The following KHDRBS2 variants were observed in gnomAD, a reference collection of about 807,000 sequenced individuals.
KHDRBS2 encodes KH RNA binding domain containing, signal transduction associated 2.
Under a neutral mutation model 44.3 loss-of-function variants are expected in KHDRBS2, and 26 were observed. The observed-to-expected ratio is 0.59, with a 90% CI of 0.43 to 0.81. The LOEUF is 0.81. KHDRBS2 is among the 40% of genes least tolerant of loss of function. KHDRBS2 has a pLI of 0.00. For missense variants in KHDRBS2, 476 were observed against 433.1 expected (o/e 1.10, Z -0.88); for synonymous variants, 194 against 151.1 (o/e 1.28, Z -2.08).
At chr6:62,021,493 T>C (rs915567901) in intron 3 of KHDRBS2, among the ~76,000 whole-genome samples, 1 of 151,900 alleles carries the variant, frequency 6.6e-6, no homozygotes, top group African/African-American at 2.4e-5. Context: ...ATTCTGACAG[T>C]CCTCTTTTTA....
the KHDRBS2 span, among the ~76,000 whole-genome samples, chr6:61,671,867 C>T: frequency 0.65 from 98,021 of 151,368 alleles, 32,067 homozygotes; most frequent in African/African-American, 0.69. Context: ...ATTATTATAC[C>T]TTAAGTTTTA....
intron 7 of KHDRBS2, among the ~76,000 whole-genome samples, chr6:61,717,795 A>T (rs1344810355): frequency 6.6e-6 from 1 of 152,056 alleles, no homozygotes; most frequent in Non-Finnish European, 1.5e-5. Context: ...GCTCAGAAGT[A>T]TCTTTTGGTC....
rs141767237 is a variant in KHDRBS2, at chr6:62,271,019, C to T, written c.91+14839G>A. Among the ~76,000 whole-genome samples the T allele has an allele frequency of 5.7e-3, 862 of 152,196 alleles. 4 individuals are homozygous for T. Among genetic ancestry groups the T allele is most frequent in the Non-Finnish European group, 9.3e-3 (632 of 68,002 alleles). ...TTACCATATTCCACAGTAAGAAATG[C>T]ATTTTATATAATGACCTGGTAAATC... On this transcript the variant is annotated intron_variant, in intron 1 of 8. Coordinates refer to ENST00000281156, the MANE Select transcript of KHDRBS2 (RefSeq NM_152688.4).
At chr6:62,240,238 C>T (rs1308424840) in intron 1 of KHDRBS2, among the ~76,000 whole-genome samples, 1 of 152,116 alleles carries the variant, frequency 6.6e-6, no homozygotes, top group Admixed American at 6.6e-5. Flanking sequence ...GGAGTTCTCT[C>T]AGTAGGCTCC....
intron 1 of KHDRBS2, among the ~76,000 whole-genome samples, chr6:62,239,967 G>A (rs1477503862): frequency 6.6e-6 from 1 of 152,064 alleles, no homozygotes; most frequent in African/African-American, 2.4e-5. Flanking sequence ...TTACAGGCAT[G>A]AGCCACAGTA....
At chr6:61,551,999 T>C in the KHDRBS2 span, among the ~76,000 whole-genome samples, 3 of 152,080 alleles carry the variant, frequency 2.0e-5, no homozygotes, top group African/African-American at 4.8e-5. Flanking sequence ...TTTTTGTACA[T>C]GGATTTTGTA....
the KHDRBS2 span, among the ~76,000 whole-genome samples, chr6:61,596,896 T>C: frequency 1.2e-4 from 19 of 152,200 alleles, no homozygotes; most frequent in Middle Eastern, 6.8e-3. Flanking sequence ...GTGATCCACC[T>C]GCCTCAACCT....
chr6:61,701,780 G>A (rs1768724113), intron 7 of KHDRBS2, among the ~76,000 whole-genome samples: 1 of 151,960 alleles, frequency 6.6e-6, no homozygotes, highest in Non-Finnish European at 1.5e-5. Flanking sequence ...TGCCCACTGA[G>A]TCTTATGTGT....
chr6:61,766,057 A>T (rs1779965607), intron 6 of KHDRBS2, among the ~76,000 whole-genome samples: 1 of 151,758 alleles, frequency 6.6e-6, no homozygotes, highest in African/African-American at 2.4e-5. Flanking sequence ...GATTGGTGTT[A>T]GTTCTTCTTT....
chr6:61,570,041 C>T, the KHDRBS2 span, among the ~76,000 whole-genome samples: 1 of 152,072 alleles, frequency 6.6e-6, no homozygotes, highest in African/African-American at 2.4e-5. Context: ...CAACAGATCA[C>T]ACTAGATCTT....
intron 6 of KHDRBS2, among the ~76,000 whole-genome samples, chr6:61,887,873 T>A (rs992700675): frequency 6.6e-6 from 1 of 152,176 alleles, no homozygotes; most frequent in Non-Finnish European, 1.5e-5. Flanking sequence ...TAGCAGCTCT[T>A]GAGTGCTAAT....
At chr6:61,892,326 C>A (rs1389257304) in intron 6 of KHDRBS2, among the ~76,000 whole-genome samples, 1 of 152,142 alleles carries the variant, frequency 6.6e-6, no homozygotes, top group African/African-American at 2.4e-5. Flanking sequence ...GCCATACTGT[C>A]CAAGGTAATT....
chr6:62,201,079 C>T (rs1826876953), intron 1 of KHDRBS2, among the ~76,000 whole-genome samples: 1 of 151,976 alleles, frequency 6.6e-6, no homozygotes, highest in African/African-American at 2.4e-5. Flanking sequence ...ACACTGGGGC[C>T]TGTTTGGGGT....
In KHDRBS2 at chr6:62,046,631, G is replaced by A. The variant is rs567334355; in HGVS notation, c.336+1247C>T. Among the ~76,000 whole-genome samples, 7 of 152,050 alleles carry A rather than the reference G, an allele frequency of 4.6e-5. No individual in the cohort carries two copies. In the East Asian group the frequency reaches 1.2e-3, roughly 25 times the overall value. ...AAAGTACAGACATAGGTAATTATGT[G>A]TCATTTTCTCCTCTTATATAAAGAA... On this transcript the variant is annotated intron_variant, in intron 3 of 8. Coordinates refer to ENST00000281156, the MANE Select transcript of KHDRBS2 (RefSeq NM_152688.4).
intron 6 of KHDRBS2, among the ~76,000 whole-genome samples, chr6:61,851,788 A>T (rs1262730589): frequency 6.6e-6 from 1 of 152,338 alleles, no homozygotes; most frequent in African/African-American, 2.4e-5. Context: ...AAGATATTCA[A>T]TATGTTTTAC....
At chr6:62,132,841 A>G (rs1404621250) in intron 2 of KHDRBS2, among the ~76,000 whole-genome samples, 1 of 152,214 alleles carries the variant, frequency 6.6e-6, no homozygotes, top group Non-Finnish European at 1.5e-5. Flanking sequence ...AAGCCCAGAA[A>G]TCATATATCA....
At chr6:62,140,131 A>G (rs1309248218) in intron 2 of KHDRBS2, among the ~76,000 whole-genome samples, 9 of 152,178 alleles carry the variant, frequency 5.9e-5, no homozygotes, top group Non-Finnish European at 1.2e-4. Flanking sequence ...CTCCTAGACT[A>G]CTGTAGTTTC....
intron 2 of KHDRBS2, among the ~76,000 whole-genome samples, chr6:62,114,402 G>A (rs539447340): frequency 6.6e-6 from 1 of 152,222 alleles, no homozygotes; most frequent in African/African-American, 2.4e-5. Flanking sequence ...CTTCTGAAAT[G>A]TAAGAGTTTT....
intron 6 of KHDRBS2, among the ~76,000 whole-genome samples, chr6:61,833,896 C>T (rs1399424504): frequency 6.6e-6 from 1 of 152,044 alleles, no homozygotes; most frequent in Non-Finnish European, 1.5e-5. Context: ...TCTTCCTCTA[C>T]CCTTCATTTG....
Sources: allele counts gnomAD v4.1 joint callset (sites outside exome capture counted in the v4.1 genomes callset), GRCh38; gene constraint gnomAD v4.1.1; transcripts MANE v1.5; gene names NCBI Gene and HGNC (gene_info 2026-07-23, HGNC 2026-07-21).